CCSER2: variants seen among roughly 807,000 people sequenced by gnomAD.
CCSER2 encodes serine-rich coiled-coil domain-containing protein 2.
CCSER2 carries 46 observed loss-of-function variants against 92.3 expected under a neutral mutation model. That is an observed-to-expected ratio of 0.50 (90% CI 0.39 to 0.64). The LOEUF (loss-of-function observed/expected upper bound fraction) is 0.64, where lower values mean the gene tolerates loss of function less well. Among genes scored for constraint, CCSER2 ranks in the 30% least tolerant of loss-of-function variants. The pLI is 0.00. For missense variants in CCSER2, 1,244 were observed against 1,238.9 expected, an observed-to-expected ratio of 1.00 and a Z score of -0.06; for synonymous variants, 433 against 431.4, an observed-to-expected ratio of 1.00 and a Z score of -0.04.
At chr10:84,380,769 C>G (rs1397923975) in intron 3 of CCSER2, among the ~76,000 whole-genome samples, 1 of 150,690 alleles carries the variant, frequency 6.6e-6, no homozygotes, top group African/African-American at 2.4e-5. Context: ...TCTCGACTTA[C>G]TGTAAGCTCC....
At chr10:84,337,613 A>ATGT in intron 1 of CCSER2, among the ~76,000 whole-genome samples, 1 of 152,274 alleles carries the variant, frequency 6.6e-6, no homozygotes, top group Middle Eastern at 3.4e-3. Context: ...GCTGGAGGGG[A>ATGT]TGTCCAGTCA....
chr10:84,410,317 C>G (rs1327228764), intron 3 of CCSER2, among the ~76,000 whole-genome samples: 1 of 152,100 alleles, frequency 6.6e-6, no homozygotes, highest in Non-Finnish European at 1.5e-5. Context: ...ATGTCTGCCC[C>G]TAGGTCTTTG....
At chr10:84,399,608 C>T (rs77916121) in intron 3 of CCSER2, among the ~76,000 whole-genome samples, 1,922 of 152,164 alleles carry the variant, frequency 0.013, 23 homozygotes, top group Middle Eastern at 0.037. Flanking sequence ...TTAAACCTTC[C>T]TGGAGAATTT....
chr10:84,409,016 T>C (rs985255647), intron 3 of CCSER2, among the ~76,000 whole-genome samples: 6 of 152,018 alleles, frequency 3.9e-5, no homozygotes, highest in Admixed American at 1.3e-4. Flanking sequence ...TTTGAGACAG[T>C]CTCTCTCTCT....
At chr10:84,491,095 C>T (rs555180094) in intron 9 of CCSER2, among the ~76,000 whole-genome samples, 3 of 152,358 alleles carry the variant, frequency 2.0e-5, no homozygotes, top group South Asian at 2.1e-4. Context: ...GATCATTCCT[C>T]TGGAAGCTTC....
chr10:84,410,034 C>T (rs545825786), intron 3 of CCSER2, among the ~76,000 whole-genome samples: 58 of 152,066 alleles, frequency 3.8e-4, no homozygotes, highest in Non-Finnish European at 7.5e-4. Flanking sequence ...TCTGTTCCTG[C>T]GTTAGTTTGA....
chr10:84,460,321 C>T lies in CCSER2; in HGVS notation c.2065-3612C>T, dbSNP rs557503000. 2.4e-3 allele frequency among the ~76,000 whole-genome samples: 347 copies of T among 146,772 alleles called. 1 individual carries two copies. Among genetic ancestry groups the T allele is most frequent in the African/African-American group, 8.3e-3 (331 of 39,722 alleles). ...GTTTCGCCATGTTGGCCAGGCTCATCTCAAACTCCTGACCTCAGGTGATCC... is the reference window on the plus strand; with the variant it reads ...GTTTCGCCATGTTGGCCAGGCTCATTTCAAACTCCTGACCTCAGGTGATCC... On this transcript the variant is annotated intron_variant, in intron 6 of 9. Transcript: ENST00000372088.
intron 1 of CCSER2, among the ~76,000 whole-genome samples, chr10:84,367,740 T>C (rs1435807092): frequency 6.6e-6 from 1 of 151,940 alleles, no homozygotes; most frequent in African/African-American, 2.4e-5. Context: ...TTCATTGTTC[T>C]TCTTAATTGG....
At chr10:84,359,015 C>T (rs1311929511) in intron 1 of CCSER2, among the ~76,000 whole-genome samples, 1 of 152,070 alleles carries the variant, frequency 6.6e-6, no homozygotes, top group East Asian at 1.9e-4. Flanking sequence ...GTCCTAGGAC[C>T]CTGCTTTGCT....
At chr10:84,415,624 T>C (rs1021312853) in intron 3 of CCSER2, among the ~76,000 whole-genome samples, 1 of 152,158 alleles carries the variant, frequency 6.6e-6, no homozygotes. Flanking sequence ...ATCTCATCCA[T>C]TTAGGAGAAA....
intron 3 of CCSER2, among the ~76,000 whole-genome samples, chr10:84,376,504 C>T (rs1266914869): frequency 6.6e-6 from 1 of 151,994 alleles, no homozygotes; most frequent in Non-Finnish European, 1.5e-5. Flanking sequence ...TATCTAGCTT[C>T]TTTTCATTAA....
intron 1 of CCSER2, among the ~76,000 whole-genome samples, 165 bp downstream of exon 1, chr10:84,328,973 C>T (rs1843404656): frequency 6.6e-6 from 1 of 151,768 alleles, no homozygotes; most frequent in Non-Finnish European, 1.5e-5. Flanking sequence ...TCTCTAGCCC[C>T]TCGCGAGCCG....
Position 84,401,653 on chromosome 10 carries a change from A to G in CCSER2, c.1615-16118A>G, listed in dbSNP as rs188013829. Among the ~76,000 whole-genome samples, 114 of 152,370 alleles carry G rather than the reference A, an allele frequency of 7.5e-4. 1 individual carries two copies. Among genetic ancestry groups the G allele is most frequent in the Non-Finnish European group, 2.1e-4 (14 of 68,036 alleles). Reference sequence around the variant, plus strand: ...TACATAGACTTTTCCTGAAAGTAGAAGAAAATGGAAAGAGATCCCCAATTT... The same window carrying G: ...TACATAGACTTTTCCTGAAAGTAGAGGAAAATGGAAAGAGATCCCCAATTT... On this transcript the variant is annotated intron_variant, in intron 3 of 9. Coordinates refer to ENST00000372088, the MANE Select transcript of CCSER2 (RefSeq NM_001284240.2).
At chr10:84,364,866 C>T (rs1414262716) in intron 1 of CCSER2, among the ~76,000 whole-genome samples, 3 of 151,400 alleles carry the variant, frequency 2.0e-5, no homozygotes, top group South Asian at 4.2e-4. Flanking sequence ...CTCAGCCTCC[C>T]GAGTAGCTCA....
chr10:84,352,754 C>G (rs1844934128), intron 1 of CCSER2, among the ~76,000 whole-genome samples: 1 of 151,694 alleles, frequency 6.6e-6, no homozygotes, highest in Admixed American at 6.6e-5. Context: ...ATATACCTAT[C>G]TAGTAGTTGT....
chr10:84,475,319 A>G (rs1315766281), intron 8 of CCSER2, among the ~76,000 whole-genome samples: 1 of 152,206 alleles, frequency 6.6e-6, no homozygotes, highest in Non-Finnish European at 1.5e-5. Context: ...TGTCAGCAAT[A>G]AAGAAGGCAG....
chr10:84,335,228 C>CTTTTTTTT (rs1202869188), intron 1 of CCSER2, among the ~76,000 whole-genome samples: 5 of 69,998 alleles, frequency 7.1e-5, no homozygotes, highest in African/African-American at 1.1e-4. Context: ...CTCTCTCTCT[C>CTTTTTTTT]TTTTTTTTTT....
intron 3 of CCSER2, among the ~76,000 whole-genome samples, chr10:84,385,216 T>A (rs4291615): frequency 0.21 from 31,879 of 152,048 alleles, 3,599 homozygotes; most frequent in Admixed American, 0.34. Context: ...ATTCCCATCA[T>A]ATTACCAACA....
intron 1 of CCSER2, among the ~76,000 whole-genome samples, chr10:84,331,730 A>G (rs1300295707): frequency 1.3e-5 from 2 of 152,226 alleles, no homozygotes; most frequent in Non-Finnish European, 2.9e-5. Flanking sequence ...CTTACAAACA[A>G]TGGTCAAAGA....
Sources: allele counts gnomAD v4.1 joint callset (sites outside exome capture counted in the v4.1 genomes callset), GRCh38; gene constraint gnomAD v4.1.1; transcripts MANE v1.5; gene names NCBI Gene and HGNC (gene_info 2026-07-23, HGNC 2026-07-21).